The following PGPEP1L variants were observed in gnomAD, a reference collection of about 807,000 sequenced individuals.
The protein encoded by PGPEP1L is pyroglutamyl-peptidase 1-like protein.
PGPEP1L carries 7 observed loss-of-function variants against 6.0 expected under a neutral mutation model. The ratio of observed to expected loss-of-function variants is 1.17; its 90% confidence interval spans 0.66 to 2.19. The LOEUF (loss-of-function observed/expected upper bound fraction) is 2.19, where lower values mean the gene tolerates loss of function less well. PGPEP1L is among the 30% of genes most tolerant of loss of function. The pLI, the probability that PGPEP1L is intolerant of heterozygous loss-of-function variation, is 0.00. For missense variants in PGPEP1L, 209 were observed against 192.5 expected (o/e 1.09, Z -0.51); for synonymous variants, 103 against 83.9 (o/e 1.23, Z -1.24).
intron 2 of PGPEP1L, among the ~76,000 whole-genome samples, chr15:98,989,533 T>A (rs2017791700): frequency 6.6e-6 from 1 of 152,142 alleles, no homozygotes; most frequent in South Asian, 2.1e-4. Flanking sequence ...ACAGGGAGAA[T>A]GGAACCAAGT....
rs146620665 is a variant in PGPEP1L at position 99,007,459 on chromosome 15, G to C, written c.-470C>G. On this transcript the variant is annotated 5_prime_UTR_variant, in exon 1 of 5. Coordinates refer to ENST00000535714, the MANE Select transcript of PGPEP1L (RefSeq NM_001167902.2). ...GGCGGTGAGTGTTACAGTTTTTAAA[G>C]GCAGCGTGTCCCAAGTTTGTTTCTT... The C allele has an allele frequency of 6.6e-6, 1 of 152,292 alleles. No individual in the cohort carries two copies. The highest frequency in any genetic ancestry group is 1.5e-5 in the Non-Finnish European group (1 of 68,126). 9.4% of individuals were successfully genotyped at this position (152,292 alleles called of 1,614,324 possible).
In PGPEP1L at chr15:98,982,699, G is replaced by GTTTTTTTTTTTTTT. The variant is rs1567237917; in HGVS notation, c.-141-11542_-141-11541insAAAAAAAAAAAAAA. On this transcript the variant is annotated intron_variant, in intron 2 of 4. Transcript: ENST00000535714. Reference sequence around the variant, plus strand: ...CTCACTCTGGTTATTTTTATCTGAGGCTTTTTTTTTTTTTTTTTTTTTTTT... The same window carrying GTTTTTTTTTTTTTT: ...CTCACTCTGGTTATTTTTATCTGAGGTTTTTTTTTTTTTTCTTTTTTTTTTTTTTTTTTTTTTTT... Among the ~76,000 whole-genome samples, 2 of 73,466 alleles carry GTTTTTTTTTTTTTT rather than the reference G, an allele frequency of 2.7e-5. 1 individual carries two copies. The highest frequency in any genetic ancestry group is 7.7e-5 in the African/African-American group (2 of 25,832). The allele number at this position is 73,466 out of a possible 152,430, so 48.2% of individuals were successfully genotyped here. A position where few individuals can be genotyped will look rare whatever the true frequency, so the allele number is the denominator to read the frequency against.
intron 2 of PGPEP1L, among the ~76,000 whole-genome samples, chr15:98,978,107 A>T (rs1459926799): frequency 6.6e-6 from 1 of 152,134 alleles, no homozygotes; most frequent in African/African-American, 2.4e-5. Flanking sequence ...TCTCTTGGGG[A>T]CCCAGTGCCT....
intron 2 of PGPEP1L, among the ~76,000 whole-genome samples, chr15:98,983,023 A>G (rs1355384354): frequency 6.6e-6 from 1 of 151,934 alleles, no homozygotes; most frequent in East Asian, 1.9e-4. Context: ...AGGCTTTCTC[A>G]TTTTAGTCAA....
At chr15:98,984,009 C>CTTTTTTTTTTTTTT (rs71456904) in intron 2 of PGPEP1L, among the ~76,000 whole-genome samples, 44 of 115,772 alleles carry the variant, frequency 3.8e-4, no homozygotes, top group Non-Finnish European at 3.9e-4. Flanking sequence ...AGTAAGTAGT[C>CTTTTTTTTTTTTTT]TTTTTTTTTT....
At chr15:98,971,513 A>G (rs1487857489) in intron 2 of PGPEP1L, among the ~76,000 whole-genome samples, 1 of 152,188 alleles carries the variant, frequency 6.6e-6, no homozygotes, top group Admixed American at 6.5e-5. Context: ...AAAAGAAAAG[A>G]AAAATCCAAA....
intron 2 of PGPEP1L, among the ~76,000 whole-genome samples, chr15:98,985,315 G>A (rs1367566105): frequency 1.3e-5 from 2 of 152,154 alleles, no homozygotes; most frequent in Admixed American, 6.5e-5. Flanking sequence ...AAGGCGGGAG[G>A]ATCACCTGAG....
In PGPEP1L at chr15:98,983,214, G is replaced by A. The variant is rs183500703; in HGVS notation, c.-141-12056C>T. Among the ~76,000 whole-genome samples, 719 of 151,366 alleles carry A rather than the reference G, an allele frequency of 4.8e-3. 5 individuals carry two copies. The highest frequency in any genetic ancestry group is 0.016 in the African/African-American group (679 of 41,228). ...AATTTTCTTTCACTTGGAAAGGTTT[G>A]CAGTTACTTTCCTATCCCTGAACAG... On this transcript the variant is annotated intron_variant, in intron 2 of 4. Transcript: ENST00000535714.
rs191349083 is a variant in PGPEP1L, at chr15:99,000,884, C to T, written c.-142+4545G>A. 5.0e-4 allele frequency among the ~76,000 whole-genome samples: 76 copies of T among 152,254 alleles called. 1 individual carries two copies. In the South Asian group the frequency reaches 6.2e-3, roughly 12 times the overall value. On this transcript the variant is annotated intron_variant, in intron 2 of 4. Transcript: ENST00000535714. ...CCACACTGTGGAAGCTTTGTTCTTT[C>T]GCTCTTTACAATCAATCTTGCTGCT... is the stretch of plus-strand genomic sequence containing the variant.
intron 2 of PGPEP1L, among the ~76,000 whole-genome samples, chr15:98,989,869 T>C (rs2017795987): frequency 6.6e-6 from 1 of 152,100 alleles, no homozygotes; most frequent in East Asian, 1.9e-4. Flanking sequence ...GAATTTCATA[T>C]CCAGCCAAAC....
At chr15:98,982,765 C>A (rs1481349199) in intron 2 of PGPEP1L, among the ~76,000 whole-genome samples, 1 of 129,530 alleles carries the variant, frequency 7.7e-6, no homozygotes, top group Non-Finnish European at 1.5e-5. Context: ...GGCTGGAGTG[C>A]GGGGGCATGA....
In PGPEP1L at chr15:99,004,650, G is replaced by A. The variant is rs566479709; in HGVS notation, c.-142+779C>T. 2.4e-4 allele frequency among the ~76,000 whole-genome samples: 36 copies of A among 152,148 alleles called. No homozygotes were observed. In the East Asian group the frequency reaches 3.3e-3, roughly 14 times the overall value. On this transcript the variant is annotated intron_variant, in intron 2 of 4. Coordinates refer to ENST00000535714, the MANE Select transcript of PGPEP1L (RefSeq NM_001167902.2). Reference sequence around the variant, plus strand: ...GGAGAATCGCTTGAACCCAGGAGGCGGAGGCTGCAGTGAGCTGAGCTTACG... The same window carrying A: ...GGAGAATCGCTTGAACCCAGGAGGCAGAGGCTGCAGTGAGCTGAGCTTACG...
chr15:98,983,158 G>GGGAA (rs773903560), intron 2 of PGPEP1L, among the ~76,000 whole-genome samples: 2 of 75,220 alleles, frequency 2.7e-5, no homozygotes, highest in Admixed American at 2.5e-4. Context: ...GTTCTCTTGG[G>GGGAA]AAAAAAAAAA....
Position 98,969,567 on chromosome 15 carries a change from C to G in PGPEP1L, c.67G>C (p.Asp23His), listed in dbSNP as rs372931831. 6.2e-7 allele frequency: 1 copy of G among 1,613,786 alleles called. No homozygotes were observed. The highest frequency in any genetic ancestry group is 8.5e-7 in the Non-Finnish European group (1 of 1,179,912). Residue 23 changes from aspartate to histidine, a missense_variant, in exon 4 of 5, where the codon GAC (aspartate) becomes CAC (histidine). Transcript: ENST00000535714. ...SGKNQGYRDADIRSFWPEGGV... is the reference protein window; with the variant it reads ...SGKNQGYRDAHIRSFWPEGGV... ...CCCTCGGGCCAGAAGCTGCGGATGTCGGCGTCCCGGTAGCCTTGGTTCTTG... is the reference window on the plus strand; with the variant it reads ...CCCTCGGGCCAGAAGCTGCGGATGTGGGCGTCCCGGTAGCCTTGGTTCTTG...
intron 4 of PGPEP1L, among the ~76,000 whole-genome samples, 151 bp from the exon 5 acceptor site, chr15:98,968,848 A>G (rs2017445223): frequency 6.6e-6 from 1 of 152,226 alleles, no homozygotes; most frequent in Non-Finnish European, 1.5e-5. Flanking sequence ...CAGAAAGAAC[A>G]TGGTGCCAGG....
intron 2 of PGPEP1L, among the ~76,000 whole-genome samples, chr15:99,002,580 A>G (rs1347782338): frequency 1.3e-5 from 2 of 152,226 alleles, no homozygotes; most frequent in Admixed American, 6.5e-5. Context: ...ATATGTCAAT[A>G]TCAGGAGAGG....
chr15:98,987,165 CAAAAAAAA>C (rs57923635), intron 2 of PGPEP1L, among the ~76,000 whole-genome samples: 30 of 33,394 alleles, frequency 9.0e-4, no homozygotes, highest in Middle Eastern at 0.025. Flanking sequence ...GACTCCATCT[CAAAAAAAA>C]AAAAAAAAAA....
At chr15:98,988,205 C>A (rs1180521067) in intron 2 of PGPEP1L, among the ~76,000 whole-genome samples, 1 of 152,150 alleles carries the variant, frequency 6.6e-6, no homozygotes, top group Non-Finnish European at 1.5e-5. Flanking sequence ...CAGTGGGTCC[C>A]ACTCCCACAG....
intron 2 of PGPEP1L, among the ~76,000 whole-genome samples, chr15:98,987,543 T>C (rs1487830954): frequency 6.6e-6 from 1 of 152,188 alleles, no homozygotes; most frequent in Non-Finnish European, 1.5e-5. Flanking sequence ...CAGTGCCTAG[T>C]GTTCAGCAGG....
Sources: gnomAD v4.1 joint callset for allele counts (sites outside exome capture counted in the v4.1 genomes callset) on GRCh38, gnomAD v4.1.1 for gene constraint, MANE v1.5 for transcripts, NCBI Gene and HGNC (gene_info 2026-07-23, HGNC 2026-07-21) for gene names.